The following GALNT14 variants were observed in gnomAD, a reference collection of about 807,000 sequenced individuals.
The protein encoded by GALNT14 is polypeptide N-acetylgalactosaminyltransferase 14, also known as UDP-GalNAc:polypeptide N-acetylgalactosaminyltransferase 14.
Under a neutral mutation model 77.5 loss-of-function variants are expected in GALNT14, and 60 were observed. The observed-to-expected ratio is 0.77, with a 90% CI of 0.63 to 0.96. GALNT14 has a LOEUF of 0.96. Among genes scored for constraint, GALNT14 ranks in the 40% least tolerant of loss-of-function variants. GALNT14 has a pLI of 0.00. For synonymous variants in GALNT14, 280 were observed against 281.7 expected (o/e 0.99, Z 0.06); for missense variants, 710 against 731.0 (o/e 0.97, Z 0.33).
At chr2:31,004,390 C>T (rs1670547221) in intron 1 of GALNT14, among the ~76,000 whole-genome samples, 1 of 152,192 alleles carries the variant, frequency 6.6e-6, no homozygotes, top group South Asian at 2.1e-4. Context: ...CAGGAGAGTC[C>T]AAGGGGAGGG....
chr2:30,928,686 G>A (rs544065789), intron 11 of GALNT14, among the ~76,000 whole-genome samples: 3 of 151,964 alleles, frequency 2.0e-5, no homozygotes, highest in Admixed American at 1.3e-4. Context: ...GCGTGATCTC[G>A]GCTCACTGCA....
At chr2:31,089,319 A>T in intron 1 of GALNT14, among the ~76,000 whole-genome samples, 1 of 152,122 alleles carries the variant, frequency 6.6e-6, no homozygotes, top group Non-Finnish European at 1.5e-5. Flanking sequence ...GCTTCTTTTG[A>T]GTCCCCCACA....
intron 1 of GALNT14, among the ~76,000 whole-genome samples, chr2:31,044,475 C>G (rs1019712045): frequency 1.3e-5 from 2 of 152,150 alleles, no homozygotes; most frequent in Non-Finnish European, 2.9e-5. Context: ...TAATTCAGAG[C>G]AAGATAAACA....
intron 1 of GALNT14, among the ~76,000 whole-genome samples, chr2:31,071,128 A>T (rs761884399): frequency 1.3e-5 from 2 of 152,220 alleles, no homozygotes; most frequent in Non-Finnish European, 2.9e-5. Flanking sequence ...AAGGGATAAA[A>T]GACTACAAAC....
chr2:31,031,501 A>C (rs73921410), intron 1 of GALNT14, among the ~76,000 whole-genome samples: 2 of 152,064 alleles, frequency 1.3e-5, no homozygotes, highest in African/African-American at 4.8e-5. Flanking sequence ...CTATCTTTGC[A>C]TGGCCATGCA....
downstream of GALNT14, among the ~76,000 whole-genome samples, chr2:30,908,204 T>A (rs1288463848): frequency 6.6e-6 from 1 of 150,810 alleles, no homozygotes; most frequent in Admixed American, 6.6e-5. Flanking sequence ...TTGGAAGTTC[T>A]GGCCAGGGCA....
At chr2:31,029,546 G>A (rs1672282269) in intron 1 of GALNT14, among the ~76,000 whole-genome samples, 1 of 152,222 alleles carries the variant, frequency 6.6e-6, no homozygotes, top group African/African-American at 2.4e-5. Flanking sequence ...CTAATGGAAG[G>A]TTAGTGGAAG....
chr2:30,929,566 T>C, intron 10 of GALNT14, 79 bp from the exon 11 acceptor site: 1 of 1,049,172 alleles, frequency 9.5e-7, no homozygotes, highest in African/African-American at 1.6e-5. Flanking sequence ...AAAATACACA[T>C]GTGTGGGCTG....
At chr2:31,106,908 T>C (rs542560819) in intron 1 of GALNT14, among the ~76,000 whole-genome samples, 145 of 152,310 alleles carry the variant, frequency 9.5e-4, no homozygotes, top group South Asian at 5.0e-3. Flanking sequence ...AGGGTAGACT[T>C]TCATTACTGA....
intron 1 of GALNT14, among the ~76,000 whole-genome samples, chr2:31,004,140 T>C (rs975177264): frequency 3.9e-5 from 6 of 152,176 alleles, no homozygotes; most frequent in African/African-American, 1.4e-4. Flanking sequence ...TGCATCCCCT[T>C]CTCTTTGTGT....
chr2:31,049,925 G>A (rs989475985), intron 1 of GALNT14, among the ~76,000 whole-genome samples: 3 of 152,118 alleles, frequency 2.0e-5, no homozygotes, highest in African/African-American at 7.2e-5. Context: ...TGAAATTCTT[G>A]GGGGGCAAAG....
chr2:30,958,070 C>A (rs953308914), intron 4 of GALNT14, among the ~76,000 whole-genome samples: 2 of 152,132 alleles, frequency 1.3e-5, no homozygotes, highest in Non-Finnish European at 2.9e-5. Flanking sequence ...TGGAAGGCAA[C>A]CCTCACTGTG....
intron 1 of GALNT14, among the ~76,000 whole-genome samples, chr2:31,115,833 C>A (rs1009690781): frequency 5.3e-5 from 8 of 152,080 alleles, no homozygotes; most frequent in African/African-American, 1.9e-4. Flanking sequence ...TGAGCCTGGG[C>A]AACATAGCAA....
At chr2:30,897,976 T>C in the GALNT14 span, among the ~76,000 whole-genome samples, 1 of 152,168 alleles carries the variant, frequency 6.6e-6, no homozygotes, top group Non-Finnish European at 1.5e-5. Context: ...CCTCTGAGGA[T>C]TGAAGAGTGC....
chr2:31,109,899 G>C (rs1677752658), intron 1 of GALNT14, among the ~76,000 whole-genome samples: 1 of 152,048 alleles, frequency 6.6e-6, no homozygotes, highest in Admixed American at 6.5e-5. Context: ...GAGAGAAAAA[G>C]GAATAATCTG....
At position 31,017,511 on chromosome 2, in the gene GALNT14, G is replaced by C. The variant is rs572694529; in HGVS notation, c.130-24504C>G. Among the ~76,000 whole-genome samples, 27 of 152,332 alleles carry C rather than the reference G, an allele frequency of 1.8e-4. 1 individual carries two copies. In the South Asian group the frequency reaches 5.6e-3, roughly 32 times the overall value. On this transcript the variant is annotated intron_variant, in intron 1 of 14. Transcript: ENST00000349752. ...TACCTGCAGGGGATCCAGGTTCTTAGATAGATTAATGAAGTAAAGGGTTTA... is the reference window on the plus strand; with the variant it reads ...TACCTGCAGGGGATCCAGGTTCTTACATAGATTAATGAAGTAAAGGGTTTA...
rs775968735 is a variant in GALNT14 at position 30,942,322 on chromosome 2, A to G, written c.828-18T>C. 6.3e-7 allele frequency: 1 copy of G among 1,586,366 alleles called. No homozygotes were observed. The highest frequency in any genetic ancestry group is 8.7e-7 in the Non-Finnish European group (1 of 1,155,212). ...TAGGAGTCCTGTGCATTTGGAAGAA[A>G]AAGAGAGGGGATCAGTTCTAGTGGG... On this transcript the variant is annotated intron_variant, in intron 8 of 14. Coordinates refer to ENST00000349752, the MANE Select transcript of GALNT14 (RefSeq NM_024572.4).
At chr2:31,096,261 C>G (rs1437384294) in intron 1 of GALNT14, among the ~76,000 whole-genome samples, 1 of 152,170 alleles carries the variant, frequency 6.6e-6, no homozygotes, top group Non-Finnish European at 1.5e-5. Flanking sequence ...ACCTTAACTT[C>G]CTCTTGTCAT....
chr2:31,054,117 G>C (rs72854836), intron 1 of GALNT14, among the ~76,000 whole-genome samples: 1 of 152,216 alleles, frequency 6.6e-6, no homozygotes. Flanking sequence ...GAGATCACAC[G>C]TTACTTAGGG....
Sources: allele counts gnomAD v4.1 joint callset (sites outside exome capture counted in the v4.1 genomes callset), GRCh38; gene constraint gnomAD v4.1.1; transcripts MANE v1.5; gene names NCBI Gene and HGNC (gene_info 2026-07-23, HGNC 2026-07-21).